GNAO1: variants seen among roughly 807,000 people sequenced by gnomAD.
The protein encoded by GNAO1 is guanine nucleotide-binding protein G(o) subunit alpha.
For synonymous variants in GNAO1, 164 were observed against 180.7 expected (o/e 0.91, Z 0.74); for missense variants, 166 against 478.7 (o/e 0.35, Z 6.10).
chr16:56,218,986 C>T (rs113059854), intron 2 of GNAO1, among the ~76,000 whole-genome samples: 2,199 of 152,232 alleles, frequency 0.014, 33 homozygotes, highest in African/African-American at 0.024. Flanking sequence ...ATGTGAAACA[C>T]ACCACTTTAG....
intron 2 of GNAO1, among the ~76,000 whole-genome samples, chr16:56,220,011 A>G (rs1325708029): frequency 6.6e-6 from 1 of 152,186 alleles, no homozygotes; most frequent in Admixed American, 6.5e-5. Flanking sequence ...AAGGAGTGGA[A>G]CCATAGCCCC....
chr16:56,250,810 A>T (rs2036792584), intron 2 of GNAO1, among the ~76,000 whole-genome samples: 1 of 152,182 alleles, frequency 6.6e-6, no homozygotes. Flanking sequence ...TCTTTACTGG[A>T]TATCCCAGGA....
intron 3 of GNAO1, among the ~76,000 whole-genome samples, chr16:56,286,415 A>G (rs1310116500): frequency 1.3e-5 from 2 of 152,182 alleles, no homozygotes; most frequent in African/African-American, 2.4e-5. Flanking sequence ...CCAGAGAGTC[A>G]GAAATTCAGA....
intron 2 of GNAO1, among the ~76,000 whole-genome samples, chr16:56,196,874 GC>G (rs1186431896): frequency 2.6e-5 from 4 of 152,224 alleles, no homozygotes; most frequent in Non-Finnish European, 5.9e-5. Flanking sequence ...AAATATTCCA[GC>G]CTGACAAGTG....
In GNAO1 at chr16:56,234,397, A is replaced by G. The variant is rs142565242; in HGVS notation, c.162-41534A>G. ...GGTGGGGCAGTTCAGACTGATCTCC[A>G]AAGAGGGGATTGACAGACATGCTCG... On this transcript the variant is annotated intron_variant, in intron 2 of 8. Coordinates refer to ENST00000262493, the MANE Select transcript of GNAO1 (RefSeq NM_020988.3). Among the ~76,000 whole-genome samples, 276 of 152,356 alleles carry G rather than the reference A, an allele frequency of 1.8e-3. 1 individual carries two copies. Among genetic ancestry groups the G allele is most frequent in the African/African-American group, 6.2e-3 (258 of 41,582 alleles).
At position 56,341,187 on chromosome 16, in the gene GNAO1, A is replaced by G. The variant is rs9922360; in HGVS notation, c.723+4327A>G. 0.41 allele frequency among the ~76,000 whole-genome samples: 62,782 copies of G among 152,164 alleles called. 13,965 individuals carry two copies. The highest frequency in any genetic ancestry group is 0.58 in the African/African-American group (24,050 of 41,530). On this transcript the variant is annotated intron_variant, in intron 6 of 8. Coordinates refer to ENST00000262493, the MANE Select transcript of GNAO1 (RefSeq NM_020988.3). ...GGCTTCCTCATCAGGGAAAGCCGGT[A>G]GAGCCCTGGCTCTGCCACTTACGAG...
intron 2 of GNAO1, among the ~76,000 whole-genome samples, chr16:56,256,447 C>G (rs2036847179): frequency 6.6e-6 from 1 of 152,184 alleles, no homozygotes; most frequent in East Asian, 1.9e-4. Flanking sequence ...GCTTTTGATC[C>G]TTGCTCCAAA....
intron 2 of GNAO1, among the ~76,000 whole-genome samples, chr16:56,260,938 T>C (rs1274836195): frequency 5.3e-5 from 8 of 152,104 alleles, no homozygotes; most frequent in African/African-American, 1.2e-4. Context: ...TCACCTGGAA[T>C]TCTCCCCTAC....
At chr16:56,237,261 G>A (rs555932434) in intron 2 of GNAO1, among the ~76,000 whole-genome samples, 2 of 152,290 alleles carry the variant, frequency 1.3e-5, no homozygotes, top group Admixed American at 1.3e-4. Context: ...TGGGGTTTAT[G>A]CAGTCATTCG....
intron 2 of GNAO1, among the ~76,000 whole-genome samples, chr16:56,259,607 A>G (rs1191002972): frequency 6.6e-6 from 1 of 152,240 alleles, no homozygotes; most frequent in African/African-American, 2.4e-5. Context: ...GTCTTCATCC[A>G]TGCATCCATT....
At chr16:56,323,562 C>A (rs1233374819) in intron 3 of GNAO1, among the ~76,000 whole-genome samples, 1 of 151,968 alleles carries the variant, frequency 6.6e-6, no homozygotes, top group Non-Finnish European at 1.5e-5. Context: ...AAAAGGGTGC[C>A]CCTTACCTTT....
At chr16:56,304,592 A>C (rs767269875) in intron 3 of GNAO1, among the ~76,000 whole-genome samples, 3 of 151,932 alleles carry the variant, frequency 2.0e-5, no homozygotes, top group African/African-American at 7.3e-5. Flanking sequence ...TCAGTTTACA[A>C]CTTTTTTTTT....
chr16:56,253,201 C>A (rs1862771), intron 2 of GNAO1, among the ~76,000 whole-genome samples: 103,158 of 152,028 alleles, frequency 0.68, 35,525 homozygotes, highest in African/African-American at 0.79. Flanking sequence ...GGCAGCCTGG[C>A]TCTGGTGCCA....
intron 3 of GNAO1, among the ~76,000 whole-genome samples, chr16:56,312,680 A>AG (rs1413883505): frequency 2.0e-5 from 3 of 152,268 alleles, no homozygotes; most frequent in Non-Finnish European, 4.4e-5. Context: ...ACCCATGAGA[A>AG]GGTCTCCTGA....
intron 2 of GNAO1, among the ~76,000 whole-genome samples, chr16:56,202,286 G>C (rs922851816): frequency 1.1e-4 from 16 of 152,184 alleles, no homozygotes; most frequent in African/African-American, 3.4e-4. Flanking sequence ...CTTGGCAAGA[G>C]CAGTTTCAAT....
At chr16:56,198,090 T>C (rs1343794649) in intron 2 of GNAO1, among the ~76,000 whole-genome samples, 2 of 151,716 alleles carry the variant, frequency 1.3e-5, no homozygotes, top group African/African-American at 4.8e-5. Flanking sequence ...TTGGAAAGAG[T>C]TACCCTCAGA....
chr16:56,309,362 G>A (rs2037431465), intron 3 of GNAO1, among the ~76,000 whole-genome samples: 1 of 152,290 alleles, frequency 6.6e-6, no homozygotes, highest in African/African-American at 2.4e-5. Flanking sequence ...ATGATAGGAG[G>A]AGGTAGGGAC....
chr16:56,194,668 GGGAGGGGAGTGCGCA>G (rs2036215432), intron 2 of GNAO1: 1 of 177,772 alleles, frequency 5.6e-6, no homozygotes, highest in Non-Finnish European at 1.2e-5. Context: ...AAATACTCGG[GGGAGGGGAGTGCGCA>G]GGAGGGGAAG....
At chr16:56,255,221 G>C (rs1251497267) in intron 2 of GNAO1, among the ~76,000 whole-genome samples, 1 of 152,166 alleles carries the variant, frequency 6.6e-6, no homozygotes, top group Non-Finnish European at 1.5e-5. Flanking sequence ...AAAAGGGAGG[G>C]GCAGGTGTGT....
Sources: gnomAD v4.1 joint callset for allele counts (sites outside exome capture counted in the v4.1 genomes callset) on GRCh38, gnomAD v4.1.1 for gene constraint, MANE v1.5 for transcripts, NCBI Gene and HGNC (gene_info 2026-07-23, HGNC 2026-07-21) for gene names.